The following NPHS1 variants were observed in gnomAD, a reference collection of about 807,000 sequenced individuals.
NPHS1 encodes nephrin.
A neutral mutation model predicts 139.7 loss-of-function variants in NPHS1; 107 were observed. The observed-to-expected ratio is 0.77, with a 90% CI of 0.66 to 0.90. The LOEUF is 0.90. Among genes scored for constraint, NPHS1 ranks in the 40% least tolerant of loss-of-function variants. The pLI is 0.00. For synonymous variants in NPHS1, 707 were observed against 706.6 expected (o/e 1.00, Z -0.01); for missense variants, 1,580 against 1,654.2 (o/e 0.96, Z 0.78).
At position 35,851,883 on chromosome 19, in the gene NPHS1, C is replaced by G. The variant is rs370444295; in HGVS notation, c.-46G>C. 7 of 1,518,994 alleles carry G rather than the reference C, an allele frequency of 4.6e-6. No homozygotes were observed. In the Admixed American group the frequency reaches 7.9e-5, roughly 17 times the overall value. The allele number at this position is 1,518,994 out of a possible 1,614,324, so 94.1% of individuals were successfully genotyped here. A position where few individuals can be genotyped will look rare whatever the true frequency, so the allele number is the denominator to read the frequency against. On this transcript the variant is annotated 5_prime_UTR_variant, in exon 1 of 29. Coordinates refer to ENST00000378910, the MANE Select transcript of NPHS1 (RefSeq NM_004646.4). The stretch of plus-strand genomic sequence containing the variant: ...CCCCCACAGCGCCCGCTGCCAGCCA[C>G]CTGCGTCTGTCTGGCTTTCTCTGGG...
chr19:35,842,729 C>A (rs1026887827), intron 17 of NPHS1, among the ~76,000 whole-genome samples, 179 bp from the exon 18 acceptor site: 1 of 152,174 alleles, frequency 6.6e-6, no homozygotes, highest in African/African-American at 2.4e-5. Context: ...TTTTCATCCA[C>A]CAATCCAGGC....
chr19:35,849,285 G>A lies in NPHS1; in HGVS notation c.791C>T (p.Pro264Leu), dbSNP rs34982899. ...GGGATTACCCCCTCGGGCCACGCAC[G>A]GCAGCTCCAAGCTCTGTCCTGCCCG... ...HVRAGQSLEL[P>L]CVARGGNPLA... The change falls in exon 7 of 29, where the codon CCG becomes CTG. Residue 264 changes from proline (P) to leucine (L), a missense_variant. Transcript: ENST00000378910. The A allele has an allele frequency of 1.5e-5, 24 of 1,612,932 alleles. No homozygotes were observed. Among genetic ancestry groups the A allele is most frequent in the South Asian group, 6.6e-5 (6 of 91,042 alleles).
At chr19:35,834,003 A>G (rs1435608075) in intron 23 of NPHS1, among the ~76,000 whole-genome samples, 2 of 152,098 alleles carry the variant, frequency 1.3e-5, no homozygotes, top group Non-Finnish European at 2.9e-5. Flanking sequence ...TGCCCAGCCA[A>G]GCCATTCTTT....
In NPHS1 at chr19:35,851,813, C is replaced by T. The variant is rs376793744; in HGVS notation, c.25G>A (p.Ala9Thr). Reference sequence around the variant, plus strand: ...AGCAGCCCCAGGAGCAGGAGAGAAGCCCTGAGCGTCGTCCCCAGGGCCATC... The same window carrying T: ...AGCAGCCCCAGGAGCAGGAGAGAAGTCCTGAGCGTCGTCCCCAGGGCCATC... The part of the protein sequence containing the change: MALGTTLR[A>T]SLLLLGLLTE... Residue 9 changes from alanine (A) to threonine (T), a missense_variant, in exon 1 of 29, where the codon GCT becomes ACT. Coordinates refer to ENST00000378910, the MANE Select transcript of NPHS1 (RefSeq NM_004646.4). The T allele has an allele frequency of 2.2e-4, 348 of 1,552,416 alleles. No individual in the cohort carries two copies. The highest frequency in any genetic ancestry group is 2.8e-4 in the Non-Finnish European group (325 of 1,147,600).
chr19:35,843,999 G>T, intron 16 of NPHS1, 104 bp downstream of exon 16: 1 of 1,490,086 alleles, frequency 6.7e-7, no homozygotes, highest in Non-Finnish European at 9.1e-7. Flanking sequence ...AGGGTTCCAG[G>T]ATGGGTGGCT....
chr19:35,847,928 T>G (rs1973167277), intron 11 of NPHS1, 113 bp downstream of exon 11: 1 of 1,193,572 alleles, frequency 8.4e-7, no homozygotes, highest in African/African-American at 1.5e-5. Flanking sequence ...TCTTTAGTAC[T>G]TTTCAAGAAA....
rs386833962 is a variant in NPHS1 at position 35,849,102 on chromosome 19, C to T, written c.886G>A (p.Ala296Thr). 6.2e-7 allele frequency: 1 copy of T among 1,609,642 alleles called. No homozygotes were observed. The highest frequency in any genetic ancestry group is 8.5e-7 in the Non-Finnish European group (1 of 1,179,994). ...ATCACCAGCACACTGCGGGCCACCG[C>T]CTGGGTGTGCTCTGTGCCCCACGCT... ...STAWGTEHTQ[A>T]VARSVLVMTV... The change falls in exon 8 of 29, where the codon GCG (alanine) becomes ACG (threonine). Residue 296 changes from alanine (A) to threonine (T), a missense_variant. Transcript: ENST00000378910.
chr19:35,837,091 A>T (rs1972978668), intron 22 of NPHS1, among the ~76,000 whole-genome samples: 1 of 151,918 alleles, frequency 6.6e-6, no homozygotes, highest in Admixed American at 6.6e-5. Flanking sequence ...TGAGCCACAA[A>T]GATCTGTGCT....
chr19:35,831,109 AG>A lies in NPHS1; in HGVS notation c.3424del (p.Leu1142Ter). On this transcript the variant is annotated frameshift_variant, in exon 27 of 29. Transcript: ENST00000378910. LOFTEE classifies it high-confidence loss of function. ...GGGCAGCTGGGGGCTGAAGTCCCTC[AG>A]GGAGCGGTAATACGGCTCTGCCTCT... ...TTEAEPYYRS[L>X]RDFSPQLPPT... 1.9e-6 allele frequency: 3 copies of A among 1,614,102 alleles called. No homozygotes were observed. Among genetic ancestry groups the A allele is most frequent in the Non-Finnish European group, 2.5e-6 (3 of 1,180,030 alleles).
intron 23 of NPHS1, 28 bp from the exon 24 acceptor site, chr19:35,831,790 A>G: frequency 6.4e-7 from 1 of 1,551,722 alleles, no homozygotes; most frequent in Non-Finnish European, 8.7e-7. Flanking sequence ...CCCTCAGTGA[A>G]TCCCAGACAA....
intron 4 of NPHS1, 95 bp from the exon 5 acceptor site, chr19:35,850,540 C>A: frequency 5.9e-6 from 6 of 1,017,348 alleles, no homozygotes; most frequent in Non-Finnish European, 9.3e-6. Flanking sequence ...GGTGCGATGC[C>A]CCCTCCCTCC....
Position 35,848,318 on chromosome 19 carries a change from C to T in NPHS1, c.1250G>A (p.Cys417Tyr), listed in dbSNP as rs386833875. 1 of 1,614,022 alleles carries T rather than the reference C, an allele frequency of 6.2e-7. No homozygotes were observed. Among genetic ancestry groups the T allele is most frequent in the Non-Finnish European group, 8.5e-7 (1 of 1,180,032 alleles). ...RREDNGLTLT[C>Y]EAFSEAFTKE... is the part of the protein sequence containing the mutation. Reference sequence around the variant, plus strand: ...GGTGAAGGCTTCACTGAAGGCCTCACATGTGAGGGTCAGACCGTTGTCCTC... The same window carrying T: ...GGTGAAGGCTTCACTGAAGGCCTCATATGTGAGGGTCAGACCGTTGTCCTC... Residue 417 changes from cysteine (C) to tyrosine (Y), a missense_variant, in exon 10 of 29, where the codon TGT becomes TAT. Cys to Tyr is a radical substitution (Grantham distance 194). Coordinates refer to ENST00000378910, the MANE Select transcript of NPHS1 (RefSeq NM_004646.4).
At chr19:35,834,620 A>G (rs1972929543) in intron 23 of NPHS1, among the ~76,000 whole-genome samples, 1 of 152,168 alleles carries the variant, frequency 6.6e-6, no homozygotes, top group Admixed American at 6.6e-5. Flanking sequence ...GGCCAGATGC[A>G]GTGGCTCACG....
At chr19:35,850,480 C>A in intron 4 of NPHS1, 35 bp from the exon 5 acceptor site, 5 of 1,572,158 alleles carry the variant, frequency 3.2e-6, no homozygotes, top group Non-Finnish European at 4.4e-6. Flanking sequence ...GGGTTCCAGG[C>A]TCCCCGCAAG....
In NPHS1 at chr19:35,839,577, A is replaced by G; in HGVS notation, c.2846T>C (p.Val949Ala). Residue 949 changes from valine (V) to alanine (A), a missense_variant, in exon 21 of 29, where the codon GTT becomes GCT. Transcript: ENST00000378910. ...SRPDPPSGLK[V>A]VSLTPHSVGL... ...CACGGAGTGTGGGGTCAGACTCACAACCTTTAATCCTGATGGAGGGTCAGG... is the reference window on the plus strand; with the variant it reads ...CACGGAGTGTGGGGTCAGACTCACAGCCTTTAATCCTGATGGAGGGTCAGG... 1.2e-6 allele frequency: 2 copies of G among 1,614,130 alleles called. No homozygotes were observed. Among genetic ancestry groups the G allele is most frequent in the East Asian group, 4.5e-5 (2 of 44,884 alleles).
intron 20 of NPHS1, among the ~76,000 whole-genome samples, chr19:35,840,966 C>T (rs922533217): frequency 6.6e-6 from 1 of 151,500 alleles, no homozygotes; most frequent in Non-Finnish European, 1.5e-5. Flanking sequence ...TGAGCCACCA[C>T]GCCTGACTAA....
intron 28 of NPHS1, among the ~76,000 whole-genome samples, chr19:35,829,218 C>T (rs1972840664): frequency 6.6e-6 from 1 of 152,226 alleles, no homozygotes; most frequent in Admixed American, 6.5e-5. Flanking sequence ...TTAGCATATT[C>T]CATCCCCTGA....
At chr19:35,828,862 C>A (rs1268706458) in intron 28 of NPHS1, among the ~76,000 whole-genome samples, 1 of 152,224 alleles carries the variant, frequency 6.6e-6, no homozygotes, top group African/African-American at 2.4e-5. Context: ...GGTCCAGCAC[C>A]ATGGACAGCG....
Position 35,852,086 on chromosome 19 carries a change from CTTTTTTTTTTCT to C in NPHS1, c.-261_-250del, listed in dbSNP as rs1973282708. Among the ~76,000 whole-genome samples, 4 of 141,042 alleles carry C rather than the reference CTTTTTTTTTTCT, an allele frequency of 2.8e-5. No individual in the cohort carries two copies. Among genetic ancestry groups the C allele is most frequent in the African/African-American group, 1.1e-4 (4 of 37,884 alleles). The allele number at this position is 141,042 out of a possible 152,430, so 92.5% of individuals were successfully genotyped here. A position where few individuals can be genotyped will look rare whatever the true frequency, so the allele number is the denominator to read the frequency against. On this transcript the variant is annotated 5_prime_UTR_variant, in exon 1 of 29. Coordinates refer to ENST00000378910, the MANE Select transcript of NPHS1 (RefSeq NM_004646.4). ...TTAAAAAAACTTTTTTTTCTTTTTT[CTTTTTTTTTTCT>C]TTTTTTTTTTTTTAGAGACGGGGTC...
Sources: allele counts gnomAD v4.1 joint callset (sites outside exome capture counted in the v4.1 genomes callset), GRCh38; gene constraint gnomAD v4.1.1; transcripts MANE v1.5; gene names NCBI Gene and HGNC (gene_info 2026-07-23, HGNC 2026-07-21).